Variants in MTUS2 observed in about 807,000 individuals in gnomAD.
MTUS2 encodes microtubule-associated tumor suppressor candidate 2.
In MTUS2, 40 loss-of-function variants were observed where a neutral mutation model predicts 114.1. The ratio of observed to expected loss-of-function variants is 0.35; its 90% CI spans 0.27 to 0.46. MTUS2 has a LOEUF of 0.46. Ranked by LOEUF, MTUS2 falls within the 20% of genes least tolerant of loss-of-function variation. The probability of loss-of-function intolerance (pLI) is 1.00; values close to 1 mark genes in which losing one functional copy is unlikely to be tolerated. For missense variants in MTUS2, 1,679 were observed against 1,705.4 expected (o/e 0.98, Z 0.27); for synonymous variants, 688 against 672.0 (o/e 1.02, Z -0.37).
At chr13:29,037,483 T>C (rs1417665438) in intron 4 of MTUS2, among the ~76,000 whole-genome samples, 1 of 152,234 alleles carries the variant, frequency 6.6e-6, no homozygotes, top group Non-Finnish European at 1.5e-5. Context: ...CATATAATTA[T>C]GTGTCTTGGG....
chr13:29,350,736 A>G (rs376578978), intron 7 of MTUS2, among the ~76,000 whole-genome samples: 1 of 151,902 alleles, frequency 6.6e-6, no homozygotes, highest in East Asian at 1.9e-4. Flanking sequence ...TCCAAGATCA[A>G]GGTGCTGGCT....
At chr13:29,170,739 G>A (rs1893522098) in intron 5 of MTUS2, among the ~76,000 whole-genome samples, 1 of 152,154 alleles carries the variant, frequency 6.6e-6, no homozygotes. Context: ...CAGACAGCTT[G>A]GAGAAATGCT....
At chr13:29,131,869 C>T (rs1409806124) in intron 5 of MTUS2, among the ~76,000 whole-genome samples, 6 of 152,262 alleles carry the variant, frequency 3.9e-5, no homozygotes, top group African/African-American at 7.2e-5. Context: ...CATCCAGAGA[C>T]GTTGATGATG....
At chr13:29,500,511 G>T (rs1882815080) in intron 14 of MTUS2, among the ~76,000 whole-genome samples, 1 of 152,288 alleles carries the variant, frequency 6.6e-6, no homozygotes, top group East Asian at 1.9e-4. Context: ...GGGATTTGGG[G>T]ATAATGTACC....
At chr13:28,872,931 A>G (rs1022210719) in intron 2 of MTUS2, among the ~76,000 whole-genome samples, 6 of 152,200 alleles carry the variant, frequency 3.9e-5, no homozygotes, top group Admixed American at 6.5e-5. Context: ...GATTCAGGAA[A>G]ATTACAAACC....
At chr13:29,209,737 A>C (rs1895346456) in intron 5 of MTUS2, among the ~76,000 whole-genome samples, 1 of 152,020 alleles carries the variant, frequency 6.6e-6, no homozygotes, top group African/African-American at 2.4e-5. Flanking sequence ...TGTTTTGTTT[A>C]ACAAGGCTAA....
intron 4 of MTUS2, among the ~76,000 whole-genome samples, chr13:29,064,725 C>T (rs1371986403): frequency 6.6e-6 from 1 of 151,934 alleles, no homozygotes; most frequent in Admixed American, 6.6e-5. Flanking sequence ...ATTTTGTCAC[C>T]CAGGTACTAA....
At chr13:29,054,088 C>G (rs978952425) in intron 4 of MTUS2, among the ~76,000 whole-genome samples, 1 of 152,172 alleles carries the variant, frequency 6.6e-6, no homozygotes, top group Non-Finnish European at 1.5e-5. Context: ...AATTGTTAGT[C>G]TTTTTAATAT....
intron 5 of MTUS2, among the ~76,000 whole-genome samples, chr13:29,117,926 C>T (rs1020026831): frequency 6.6e-6 from 1 of 152,172 alleles, no homozygotes; most frequent in Non-Finnish European, 1.5e-5. Context: ...AGGGCGGACC[C>T]TGTCCAGATG....
intron 5 of MTUS2, among the ~76,000 whole-genome samples, chr13:29,119,133 A>G (rs1891205870): frequency 6.6e-6 from 1 of 152,196 alleles, no homozygotes; most frequent in African/African-American, 2.4e-5. Flanking sequence ...CTATATATCT[A>G]AAACATACAC....
chr13:29,246,832 C>G (rs562801758), intron 5 of MTUS2, among the ~76,000 whole-genome samples: 22 of 151,232 alleles, frequency 1.5e-4, no homozygotes, highest in Non-Finnish European at 2.9e-4. Flanking sequence ...CCATAACTGC[C>G]AAAAGTAGTC....
At chr13:29,063,510 T>A (rs1446301233) in intron 4 of MTUS2, among the ~76,000 whole-genome samples, 1 of 152,208 alleles carries the variant, frequency 6.6e-6, no homozygotes, top group Non-Finnish European at 1.5e-5. Flanking sequence ...ACAGTTCTTC[T>A]CAACATACAT....
At chr13:29,500,440 C>G (rs995360822) in intron 14 of MTUS2, among the ~76,000 whole-genome samples, 1 of 152,284 alleles carries the variant, frequency 6.6e-6, no homozygotes, top group African/African-American at 2.4e-5. Flanking sequence ...CTCAGGCCCT[C>G]GAGGACACGC....
intron 9 of MTUS2, chr13:29,476,542 T>A (rs1880717987): frequency 7.3e-6 from 1 of 137,426 alleles, no homozygotes; most frequent in African/African-American, 2.7e-5. Context: ...TATTGAGATA[T>A]AATTCACATA....
chr13:29,166,874 T>C (rs892188116), intron 5 of MTUS2, among the ~76,000 whole-genome samples: 9 of 152,220 alleles, frequency 5.9e-5, no homozygotes, highest in Non-Finnish European at 1.3e-4. Context: ...TTGATCATGT[T>C]TTTAAAGTAA....
chr13:28,855,785 T>C (rs943347902), intron 2 of MTUS2, among the ~76,000 whole-genome samples: 1 of 152,218 alleles, frequency 6.6e-6, no homozygotes, highest in Non-Finnish European at 1.5e-5. Flanking sequence ...TTTGGGTATA[T>C]ACTAGTAATG....
intron 5 of MTUS2, among the ~76,000 whole-genome samples, chr13:29,194,295 G>T (rs1302823460): frequency 1.3e-5 from 2 of 152,146 alleles, no homozygotes; most frequent in Non-Finnish European, 2.9e-5. Context: ...ACTACCATCA[G>T]AGTGAAGAGG....
chr13:28,922,280 T>C (rs560241447), intron 2 of MTUS2, among the ~76,000 whole-genome samples: 167 of 152,332 alleles, frequency 1.1e-3, no homozygotes, highest in Non-Finnish European at 1.6e-3. Flanking sequence ...AAGCCTTTTT[T>C]CTTTATAAGT....
chr13:29,307,250 C>G, intron 6 of MTUS2: 1 of 631,292 alleles, frequency 1.6e-6, no homozygotes, highest in South Asian at 1.6e-5. Flanking sequence ...AATTGCTTAG[C>G]ACCCCTGGCC....
Sources: gnomAD v4.1 joint callset for allele counts (sites outside exome capture counted in the v4.1 genomes callset) on GRCh38, gnomAD v4.1.1 for gene constraint, MANE v1.5 for transcripts, NCBI Gene and HGNC (gene_info 2026-07-23, HGNC 2026-07-21) for gene names.